Variants in WDR59 observed in about 807,000 individuals in gnomAD.
WDR59 encodes the protein GATOR2 complex protein WDR59.
Under a neutral mutation model 131.2 loss-of-function variants are expected in WDR59, and 100 were observed. The observed-to-expected ratio is 0.76, with a 90% CI of 0.65 to 0.90. The LOEUF is 0.90. Among genes scored for constraint, WDR59 ranks in the 40% least tolerant of loss-of-function variants. The pLI, the probability that WDR59 is intolerant of heterozygous loss-of-function variation, is 0.00. For synonymous variants in WDR59, 601 were observed against 466.2 expected (o/e 1.29, Z -3.72); for missense variants, 1,203 against 1,262.2 (o/e 0.95, Z 0.71).
At chr16:74,949,840 A>C (rs776897875) in intron 4 of WDR59, 42 bp from the exon 5 acceptor site, 1 of 1,596,546 alleles carries the variant, frequency 6.3e-7, no homozygotes, top group Non-Finnish European at 8.6e-7. Context: ...AAGGAAAAAA[A>C]TTCAGAGTCC....
chr16:74,930,816 C>G (rs1251623457), intron 8 of WDR59: 2 of 140,616 alleles, frequency 1.4e-5, no homozygotes, highest in African/African-American at 5.2e-5. Context: ...TCATTTGAAT[C>G]CAGGAGGAGG....
At chr16:74,931,836 T>C (rs2031416299) in intron 8 of WDR59, among the ~76,000 whole-genome samples, 1 of 151,950 alleles carries the variant, frequency 6.6e-6, no homozygotes, top group African/African-American at 2.4e-5. Flanking sequence ...ATTGTGCCAT[T>C]GTATTCCAGC....
intron 23 of WDR59, among the ~76,000 whole-genome samples, chr16:74,886,955 T>C (rs1012453394): frequency 3.3e-5 from 5 of 151,958 alleles, no homozygotes; most frequent in African/African-American, 4.8e-5. Context: ...ATAAAGCAAA[T>C]GATGGCACAG....
intron 3 of WDR59, among the ~76,000 whole-genome samples, chr16:74,952,862 A>C (rs1267597198): frequency 1.3e-5 from 2 of 152,072 alleles, no homozygotes; most frequent in Non-Finnish European, 2.9e-5. Context: ...CTGAAATACC[A>C]GTTTCCAAAT....
At chr16:74,891,508 A>G (rs960333145) in intron 20 of WDR59, among the ~76,000 whole-genome samples, 5 of 152,248 alleles carry the variant, frequency 3.3e-5, no homozygotes, top group Non-Finnish European at 7.3e-5. Flanking sequence ...CTGACAATTT[A>G]GACGTGTTAT....
At chr16:74,973,184 T>G (rs1451663320) in intron 1 of WDR59, among the ~76,000 whole-genome samples, 1 of 152,182 alleles carries the variant, frequency 6.6e-6, no homozygotes, top group African/African-American at 2.4e-5. Context: ...GAGGTTGCAG[T>G]GAGCCAAGAT....
chr16:74,912,912 T>C (rs1966171392), intron 13 of WDR59, among the ~76,000 whole-genome samples: 1 of 152,222 alleles, frequency 6.6e-6, no homozygotes, highest in Admixed American at 6.5e-5. Flanking sequence ...TTTAAGAACG[T>C]GTTTAAGCGG....
rs917317436 is a variant in WDR59, at chr16:74,874,892, G to GT, written c.2690-449dup. ...AGGCGTGAGCCACTGTGCCCAGCCT[G>GT]TTTTTTTTTGTTTTTTTTACACCAG... On this transcript the variant is annotated intron_variant, in intron 25 of 25. Coordinates refer to ENST00000262144, the MANE Select transcript of WDR59 (RefSeq NM_030581.4). 6.4e-3 allele frequency among the ~76,000 whole-genome samples: 969 copies of GT among 151,458 alleles called. 11 individuals carry two copies. The highest frequency in any genetic ancestry group is 0.022 in the African/African-American group (888 of 41,150).
rs1301425074 is a variant in WDR59, at chr16:74,955,011, A to G, written c.240+1464T>C. Among the ~76,000 whole-genome samples the G allele has an allele frequency of 2.0e-5, 3 of 152,186 alleles. No individual in the cohort carries two copies. The East Asian group carries it at 5.8e-4, about 29-fold the overall frequency. ...TAATGAATAAAGGGTTTTACCCGGGAGGGATAGAAATGTTTGGGAATTGGA... is the reference window on the plus strand; with the variant it reads ...TAATGAATAAAGGGTTTTACCCGGGGGGGATAGAAATGTTTGGGAATTGGA... On this transcript the variant is annotated intron_variant, in intron 3 of 25. Coordinates refer to ENST00000262144, the MANE Select transcript of WDR59 (RefSeq NM_030581.4).
At chr16:74,947,313 T>G (rs1178821336) in intron 6 of WDR59, among the ~76,000 whole-genome samples, 1 of 152,146 alleles carries the variant, frequency 6.6e-6, no homozygotes, top group Non-Finnish European at 1.5e-5. Context: ...CCGGGCATGG[T>G]GGCACATGCC....
At chr16:74,877,960 C>A (rs905539625) in intron 25 of WDR59, among the ~76,000 whole-genome samples, 1 of 152,216 alleles carries the variant, frequency 6.6e-6, no homozygotes, top group Non-Finnish European at 1.5e-5. Context: ...CTTTCTCAAA[C>A]TGCCCTTTCC....
intron 18 of WDR59, among the ~76,000 whole-genome samples, chr16:74,896,949 T>G (rs1965325231): frequency 1.3e-5 from 2 of 152,200 alleles, no homozygotes; most frequent in Non-Finnish European, 2.9e-5. Flanking sequence ...CGCTGAGATT[T>G]GAACACAGGC....
intron 25 of WDR59, among the ~76,000 whole-genome samples, chr16:74,884,834 C>T (rs1238747702): frequency 6.6e-6 from 1 of 152,176 alleles, no homozygotes; most frequent in Non-Finnish European, 1.5e-5. Context: ...CTCTTTTCAC[C>T]ACTCTGCACC....
At position 74,975,688 on chromosome 16, in the gene WDR59, G is replaced by GA. The variant is rs1361087582; in HGVS notation, c.54+9275dup. Among the ~76,000 whole-genome samples the GA allele has an allele frequency of 4.7e-5, 7 of 149,530 alleles. No homozygotes were observed. The East Asian group carries it at 5.9e-4, about 13-fold the overall frequency. Reference sequence around the variant, plus strand: ...TCAAAAAAAAAAAAAGTAAAAAAAAGAAAAAAAAATTTAAAAAAGAAAACT... The same window carrying GA: ...TCAAAAAAAAAAAAAGTAAAAAAAAGAAAAAAAAAATTTAAAAAAGAAAACT... On this transcript the variant is annotated intron_variant, in intron 1 of 25. Coordinates refer to ENST00000262144, the MANE Select transcript of WDR59 (RefSeq NM_030581.4).
intron 8 of WDR59, among the ~76,000 whole-genome samples, chr16:74,926,384 A>T (rs896113866): frequency 6.6e-6 from 1 of 152,148 alleles, no homozygotes; most frequent in African/African-American, 2.4e-5. Context: ...TCCAGAGGAA[A>T]GGAAAGAGAA....
At chr16:74,954,568 C>T (rs1024981406) in intron 3 of WDR59, among the ~76,000 whole-genome samples, 2 of 152,144 alleles carry the variant, frequency 1.3e-5, no homozygotes, top group African/African-American at 4.8e-5. Context: ...AAGGTTTAGC[C>T]ACTGTGGAAA....
intron 10 of WDR59, among the ~76,000 whole-genome samples, chr16:74,921,741 G>A (rs1881909481): frequency 6.7e-6 from 1 of 150,052 alleles, no homozygotes; most frequent in South Asian, 2.1e-4. Flanking sequence ...GACAATTGTG[G>A]AAGAGGACAG....
At chr16:74,953,042 G>C (rs2033091880) in intron 3 of WDR59, among the ~76,000 whole-genome samples, 1 of 152,060 alleles carries the variant, frequency 6.6e-6, no homozygotes, top group Non-Finnish European at 1.5e-5. Flanking sequence ...CCCAGCACAC[G>C]ACACAGCGGG....
chr16:74,984,746 G>C lies in WDR59; in HGVS notation c.54+218C>G, dbSNP rs371906036. ...AGGCGGACCCCACTCCCCTACCCGC[G>C]TAGGGAGCCCCGAAACTCCGTCCAT... On this transcript the variant is annotated intron_variant, in intron 1 of 25. Transcript: ENST00000262144. The C allele has an allele frequency of 6.5e-6, 4 of 611,798 alleles. No homozygotes were observed. In the African/African-American group the frequency reaches 7.4e-5, roughly 11 times the overall value. 37.9% of individuals were successfully genotyped at this position (611,798 alleles called of 1,614,324 possible).
Sources: gnomAD v4.1 joint callset for allele counts (sites outside exome capture counted in the v4.1 genomes callset) on GRCh38, gnomAD v4.1.1 for gene constraint, MANE v1.5 for transcripts, NCBI Gene and HGNC (gene_info 2026-07-23, HGNC 2026-07-21) for gene names.